The following MYH15 variants were observed in gnomAD, a reference collection of about 807,000 sequenced individuals.
MYH15 encodes the protein myosin-15.
MYH15 carries 227 observed loss-of-function variants against 240.5 expected under a neutral mutation model. The observed-to-expected ratio is 0.94, with a 90% CI of 0.85 to 1.05. The LOEUF (loss-of-function observed/expected upper bound fraction) is 1.05, where lower values mean the gene tolerates loss of function less well. Among genes scored for constraint, MYH15 ranks in the 50% least tolerant of loss-of-function variants. The pLI is 0.00. For missense variants in MYH15, 2,217 were observed against 2,247.5 expected (o/e 0.99, Z 0.27); for synonymous variants, 785 against 796.7 (o/e 0.99, Z 0.25).
In MYH15 at chr3:108,476,518, G is replaced by T. The variant is rs2083222848; in HGVS notation, c.1115-3C>A. On this transcript the variant is annotated splice_region_variant and splice_polypyrimidine_tract_variant and intron_variant, in intron 11 of 40. Transcript: ENST00000693548. Reference sequence around the variant, plus strand: ...GAGGAAAGCAGCTTTGTCAGCATCTGGTCATCAGAAATAGAAGAAAAGGAA... The same window carrying T: ...GAGGAAAGCAGCTTTGTCAGCATCTTGTCATCAGAAATAGAAGAAAAGGAA... The T allele has an allele frequency of 6.3e-7, 1 of 1,578,822 alleles. No individual in the cohort carries two copies. Among genetic ancestry groups the T allele is most frequent in the East Asian group, 2.2e-5 (1 of 44,646 alleles).
chr3:108,505,236 T>G (rs1560437378), intron 2 of MYH15, among the ~76,000 whole-genome samples: 1 of 152,206 alleles, frequency 6.6e-6, no homozygotes, highest in Admixed American at 6.6e-5. Flanking sequence ...TTCACTGTTC[T>G]TCATTAAATC....
chr3:108,546,638 G>C, the MYH15 span, among the ~76,000 whole-genome samples: 1 of 151,956 alleles, frequency 6.6e-6, no homozygotes, highest in Non-Finnish European at 1.5e-5. Flanking sequence ...TGGGTCCTTA[G>C]GAAATAGACA....
intron 7 of MYH15, among the ~76,000 whole-genome samples, chr3:108,494,406 CCTTCCATTTATCCAT>C (rs1239173367): frequency 1.3e-5 from 2 of 151,722 alleles, no homozygotes; most frequent in African/African-American, 4.8e-5. Flanking sequence ...TTCTTTCTTT[CCTTCCATTTATCCAT>C]CTTCATGTTT....
chr3:108,531,017 T>C (rs1262536852), upstream of MYH15, among the ~76,000 whole-genome samples: 1 of 152,180 alleles, frequency 6.6e-6, no homozygotes. Context: ...TTGAGAATTA[T>C]TGCTGTAAGT....
At chr3:108,484,509 C>T (rs548179462) in intron 11 of MYH15, among the ~76,000 whole-genome samples, 3 of 152,138 alleles carry the variant, frequency 2.0e-5, no homozygotes, top group East Asian at 1.9e-4. Context: ...GACTGAGTCT[C>T]GCTCTGTCAC....
chr3:108,492,416 A>G lies in MYH15; in HGVS notation c.871+84T>C, dbSNP rs530283031. On this transcript the variant is annotated intron_variant, in intron 9 of 40. Coordinates refer to ENST00000693548, the MANE Select transcript of MYH15 (RefSeq NM_014981.3). Reference sequence around the variant, plus strand: ...GAGGTCTAAATAGGCTAAGAAACTTACCGAATAACACTTTTTCATCCCCCA... The same window carrying G: ...GAGGTCTAAATAGGCTAAGAAACTTGCCGAATAACACTTTTTCATCCCCCA... 3 of 951,350 alleles carry G rather than the reference A, an allele frequency of 3.2e-6. No individual in the cohort carries two copies. The South Asian group carries it at 5.2e-5, about 16-fold the overall frequency. 58.9% of individuals were successfully genotyped at this position (951,350 alleles called of 1,614,324 possible).
the MYH15 span, chr3:108,550,076 T>C: frequency 3.9e-5 from 6 of 152,094 alleles, no homozygotes; most frequent in African/African-American, 1.4e-4. Context: ...AACAGACATA[T>C]GGTGAAGAAA....
At chr3:108,441,639 G>A (rs1367441106) in intron 22 of MYH15, among the ~76,000 whole-genome samples, 1 of 152,128 alleles carries the variant, frequency 6.6e-6, no homozygotes, top group Non-Finnish European at 1.5e-5. Context: ...TAACTGCTCA[G>A]GAAATCATCT....
At chr3:108,455,934 A>C (rs1174183239) in intron 19 of MYH15, 75 bp from the exon 20 acceptor site, 3 of 1,406,054 alleles carry the variant, frequency 2.1e-6, no homozygotes, top group Admixed American at 3.8e-5. Context: ...TAGACAAATG[A>C]GGTGAAAGGA....
At chr3:108,505,029 T>C (rs1047744465) in intron 2 of MYH15, among the ~76,000 whole-genome samples, 5 of 152,270 alleles carry the variant, frequency 3.3e-5, no homozygotes, top group African/African-American at 9.6e-5. Flanking sequence ...TGTGACACTA[T>C]GCCATTTTTA....
In MYH15 at chr3:108,500,174, T is replaced by G. The variant is rs1254520657; in HGVS notation, c.440A>C (p.Glu147Ala). 6.2e-7 allele frequency: 1 copy of G among 1,614,084 alleles called. No homozygotes were observed. Among genetic ancestry groups the G allele is most frequent in the East Asian group, 2.2e-5 (1 of 44,884 alleles). The change falls in exon 4 of 41, where the codon GAG becomes GCG. Residue 147 changes from glutamate (E) to alanine (A), a missense_variant. Transcript: ENST00000693548. ...MAAYKGKRRS[E>A]APPHIFAVAN... ...AACAGCAAAGATGTGAGGGGGAGCC[T>G]CTGATCGCCTCTTCCCTTTGTAGGC...
chr3:108,510,228 A>G (rs996183459), intron 1 of MYH15, among the ~76,000 whole-genome samples: 1 of 152,024 alleles, frequency 6.6e-6, no homozygotes, highest in Non-Finnish European at 1.5e-5. Context: ...CCGGGCCTAG[A>G]CTGCCTCCCA....
At chr3:108,518,495 T>C (rs1171531911) in intron 1 of MYH15, among the ~76,000 whole-genome samples, 1 of 152,140 alleles carries the variant, frequency 6.6e-6, no homozygotes, top group East Asian at 1.9e-4. Flanking sequence ...AGAAACACAG[T>C]TACTGTACTA....
chr3:108,497,982 CG>C, intron 6 of MYH15, 69 bp downstream of exon 6: 2 of 1,375,662 alleles, frequency 1.5e-6, no homozygotes, highest in Non-Finnish European at 2.1e-6. Flanking sequence ...AAAAGTGGTC[CG>C]GACACAACCT....
At chr3:108,533,872 C>T (rs2083728304), upstream of MYH15, among the ~76,000 whole-genome samples, 1 of 152,206 alleles carries the variant, frequency 6.6e-6, no homozygotes, top group South Asian at 2.1e-4. Context: ...CTGCCTTCCC[C>T]TGCAGGGGGT....
At chr3:108,414,639 G>A (rs938592433) in intron 29 of MYH15, among the ~76,000 whole-genome samples, 8 of 152,154 alleles carry the variant, frequency 5.3e-5, no homozygotes, top group African/African-American at 1.9e-4. Flanking sequence ...ACAGGGAAGG[G>A]AATTCTATTT....
At chr3:108,504,825 G>A (rs1288008191) in intron 2 of MYH15, among the ~76,000 whole-genome samples, 3 of 152,144 alleles carry the variant, frequency 2.0e-5, no homozygotes, top group Non-Finnish European at 2.9e-5. Context: ...AGAAGGGGCT[G>A]GCGGGTATTA....
At chr3:108,384,927 C>T (rs2082370502) in intron 38 of MYH15, 145 bp from the exon 39 acceptor site, 1 of 648,986 alleles carries the variant, frequency 1.5e-6, no homozygotes, top group South Asian at 2.0e-5. Flanking sequence ...TTTAACTCAC[C>T]CAAGTTCCAA....
chr3:108,419,510 C>G (rs1272913596), intron 28 of MYH15, among the ~76,000 whole-genome samples: 1 of 152,192 alleles, frequency 6.6e-6, no homozygotes. Context: ...TTACACAGCA[C>G]TTCCTTTAGG....
Sources: allele counts gnomAD v4.1 joint callset (sites outside exome capture counted in the v4.1 genomes callset), GRCh38; gene constraint gnomAD v4.1.1; transcripts MANE v1.5; gene names NCBI Gene and HGNC (gene_info 2026-07-23, HGNC 2026-07-21).